PDE10A: variants seen among roughly 807,000 people sequenced by gnomAD.
PDE10A encodes the protein phosphodiesterase 10A, also known as cAMP and cAMP-inhibited cGMP 3',5'-cyclic phosphodiesterase 10A.
In PDE10A, 39 loss-of-function variants were observed where a neutral mutation model predicts 97.7. The observed-to-expected ratio is 0.40, with a 90% CI of 0.31 to 0.52. The LOEUF is 0.52. Ranked by LOEUF, PDE10A falls within the 20% of genes least tolerant of loss-of-function variation. The pLI, the probability that PDE10A is intolerant of heterozygous loss-of-function variation, is 0.56. For synonymous variants in PDE10A, 371 were observed against 376.8 expected (o/e 0.98, Z 0.18); for missense variants, 731 against 1,047.8 (o/e 0.70, Z 4.17).
intron 1 of PDE10A, among the ~76,000 whole-genome samples, chr6:165,715,181 C>T (rs1280275395): frequency 3.3e-5 from 5 of 152,260 alleles, no homozygotes; most frequent in Non-Finnish European, 7.3e-5. Flanking sequence ...GGCTGTGCAC[C>T]CAGACGGGCC....
chr6:165,650,761 A>AT lies in PDE10A; in HGVS notation c.865+11185dup, dbSNP rs144321034. On this transcript the variant is annotated intron_variant, in intron 1 of 21. Transcript: ENST00000539869. The stretch of plus-strand genomic sequence containing the variant: ...AATTACTGACTCAATGGTTACATGC[A>AT]TTTTTTTTTTTTTGTCGCCAGGTTG... Among the ~76,000 whole-genome samples, 640 of 147,876 alleles carry AT rather than the reference A, an allele frequency of 4.3e-3. 4 individuals carry two copies. Among genetic ancestry groups the AT allele is most frequent in the Non-Finnish European group, 4.1e-3 (277 of 66,880 alleles).
At chr6:165,351,106 A>C (rs1245803776) in intron 18 of PDE10A, among the ~76,000 whole-genome samples, 1 of 152,214 alleles carries the variant, frequency 6.6e-6, no homozygotes, top group Non-Finnish European at 1.5e-5. Flanking sequence ...TGAAGTCTGC[A>C]CTGTATGTCT....
intron 1 of PDE10A, among the ~76,000 whole-genome samples, chr6:165,586,094 G>C (rs1325747873): frequency 1.3e-5 from 2 of 152,254 alleles, no homozygotes; most frequent in Non-Finnish European, 2.9e-5. Context: ...ACAAACAGCA[G>C]TTATCAGCCC....
rs544224060 is a variant in PDE10A at position 165,838,303 on chromosome 6, C to T, written c.-615+149226G>A. 2.6e-5 allele frequency among the ~76,000 whole-genome samples: 4 copies of T among 152,290 alleles called. No homozygotes were observed. In the East Asian group the frequency reaches 5.8e-4, roughly 22 times the overall value. ...AACAAAGTGAAGCCGGGAAATAATA[C>T]ATATAAACTAGGGTTTTCTAAGATT... is the stretch of plus-strand genomic sequence containing the variant. On this transcript the variant is annotated intron_variant, in intron 1 of 19. Transcript: ENST00000366882.
intron 1 of PDE10A, chr6:165,780,235 T>C (rs960424181): frequency 6.6e-6 from 1 of 152,234 alleles, no homozygotes; most frequent in Non-Finnish European, 1.5e-5. Context: ...AACAGAATAC[T>C]CTTTAATGTT....
intron 1 of PDE10A, among the ~76,000 whole-genome samples, chr6:165,584,661 G>A (rs1294831778): frequency 6.6e-6 from 1 of 152,154 alleles, no homozygotes; most frequent in Non-Finnish European, 1.5e-5. Context: ...TTGCTTTTCG[G>A]CTACAAAAAG....
At chr6:165,632,645 C>A (rs1297826264) in intron 1 of PDE10A, among the ~76,000 whole-genome samples, 1 of 152,154 alleles carries the variant, frequency 6.6e-6, no homozygotes, top group Non-Finnish European at 1.5e-5. Flanking sequence ...TGACTTTGAT[C>A]CACAAATTGG....
At chr6:165,527,010 A>T (rs1782486914) in intron 2 of PDE10A, among the ~76,000 whole-genome samples, 1 of 152,206 alleles carries the variant, frequency 6.6e-6, no homozygotes, top group Non-Finnish European at 1.5e-5. Flanking sequence ...GAAGTAGCAA[A>T]CCCACTAGAC....
intron 1 of PDE10A, among the ~76,000 whole-genome samples, chr6:165,960,621 G>A (rs1338645710): frequency 6.6e-6 from 1 of 152,206 alleles, no homozygotes; most frequent in Middle Eastern, 3.2e-3. Context: ...TTGTAGAATC[G>A]AGAGATTTTG....
intron 1 of PDE10A, among the ~76,000 whole-genome samples, chr6:165,899,670 G>A (rs1265324915): frequency 6.6e-6 from 1 of 152,184 alleles, no homozygotes. Flanking sequence ...AGCCCTAAAG[G>A]GTGGTACCTG....
intron 1 of PDE10A, among the ~76,000 whole-genome samples, chr6:165,943,225 A>AAGAAAG (rs1562809728): frequency 4.2e-5 from 3 of 71,394 alleles, no homozygotes; most frequent in African/African-American, 1.8e-4. Flanking sequence ...GAAAGAAAGA[A>AAGAAAG]AGAAAGAAAG....
chr6:165,353,147 C>T (rs938265643), intron 18 of PDE10A, among the ~76,000 whole-genome samples: 1 of 152,126 alleles, frequency 6.6e-6, no homozygotes, highest in Non-Finnish European at 1.5e-5. Context: ...GATAACACTA[C>T]ACATCTATTA....
intron 10 of PDE10A, among the ~76,000 whole-genome samples, chr6:165,420,881 T>C (rs1339284492): frequency 6.6e-6 from 1 of 152,160 alleles, no homozygotes; most frequent in East Asian, 1.9e-4. Flanking sequence ...TTTCCAGTTG[T>C]TTTTACAATG....
At chr6:165,582,937 G>A (rs992645043) in intron 1 of PDE10A, among the ~76,000 whole-genome samples, 8 of 151,998 alleles carry the variant, frequency 5.3e-5, no homozygotes, top group Admixed American at 2.6e-4. Context: ...TTCTTCGTGC[G>A]GCAAATAACT....
At chr6:165,616,816 ACACTGTGCAC>A (rs773538113) in intron 1 of PDE10A, among the ~76,000 whole-genome samples, 22 of 152,318 alleles carry the variant, frequency 1.4e-4, no homozygotes, top group Non-Finnish European at 2.8e-4. Context: ...GGCACACATG[ACACTGTGCAC>A]CACCAGTTTT....
chr6:165,779,936 G>A (rs1176435075), intron 1 of PDE10A, among the ~76,000 whole-genome samples: 3 of 152,152 alleles, frequency 2.0e-5, no homozygotes, highest in Non-Finnish European at 4.4e-5. Flanking sequence ...GCTGGGCCAC[G>A]AATGGTTGGA....
Position 165,332,202 on chromosome 6 carries a change from T to G in PDE10A, c.*823A>C, listed in dbSNP as rs1194704021. The G allele has an allele frequency of 6.6e-6, 1 of 152,210 alleles. No homozygotes were observed. The highest frequency in any genetic ancestry group is 1.9e-4 in the East Asian group (1 of 5,200). 9.4% of individuals were successfully genotyped at this position (152,210 alleles called of 1,614,324 possible). On this transcript the variant is annotated 3_prime_UTR_variant, in exon 22 of 22. Transcript: ENST00000539869. ...TTAAAAAAATTACAATGCCGAGCTT[T>G]TATTTTGTTCTTTATGCAAAGGGTT...
At chr6:165,913,425 T>C (rs1782518919) in intron 1 of PDE10A, among the ~76,000 whole-genome samples, 1 of 152,158 alleles carries the variant, frequency 6.6e-6, no homozygotes, top group Non-Finnish European at 1.5e-5. Flanking sequence ...CCTACACACA[T>C]CCTCCTGTGT....
At chr6:165,859,053 C>T (rs1780827676) in intron 1 of PDE10A, among the ~76,000 whole-genome samples, 1 of 152,134 alleles carries the variant, frequency 6.6e-6, no homozygotes, top group African/African-American at 2.4e-5. Flanking sequence ...AACCACTGAC[C>T]TTAGGGAAAA....
Sources: gnomAD v4.1 joint callset for allele counts (sites outside exome capture counted in the v4.1 genomes callset) on GRCh38, gnomAD v4.1.1 for gene constraint, MANE v1.5 for transcripts, NCBI Gene and HGNC (gene_info 2026-07-23, HGNC 2026-07-21) for gene names.